DSCAM: variants seen among roughly 807,000 people sequenced by gnomAD.
DSCAM encodes DS cell adhesion molecule.
A neutral mutation model predicts 217.7 loss-of-function variants in DSCAM; 47 were observed. The ratio of observed to expected loss-of-function variants is 0.22; its 90% CI spans 0.17 to 0.28. DSCAM has a LOEUF of 0.28. Ranked by LOEUF, DSCAM falls within the 10% of genes least tolerant of loss-of-function variation. DSCAM has a pLI of 1.00. For synonymous variants in DSCAM, 1,056 were observed against 1,015.3 expected (o/e 1.04, Z -0.76); for missense variants, 2,080 against 2,618.3 (o/e 0.79, Z 4.49).
intron 19 of DSCAM, among the ~76,000 whole-genome samples, chr21:40,131,303 T>C (rs2090151967): frequency 6.6e-6 from 1 of 152,240 alleles, no homozygotes; most frequent in Non-Finnish European, 1.5e-5. Flanking sequence ...TATTAGGTAT[T>C]GAGTCTACAA....
chr21:40,209,192 C>T (rs1183673927), intron 11 of DSCAM, among the ~76,000 whole-genome samples: 2 of 152,094 alleles, frequency 1.3e-5, no homozygotes, highest in South Asian at 2.1e-4. Flanking sequence ...CACATGCTTC[C>T]GCCTTGATGA....
intron 1 of DSCAM, among the ~76,000 whole-genome samples, chr21:40,745,184 TA>T (rs2146549426): frequency 6.6e-6 from 1 of 152,210 alleles, no homozygotes; most frequent in South Asian, 2.1e-4. Flanking sequence ...AACTAACCTC[TA>T]TATAATAGTA....
At chr21:40,243,728 T>A (rs1318809458) in intron 11 of DSCAM, among the ~76,000 whole-genome samples, 1 of 152,098 alleles carries the variant, frequency 6.6e-6, no homozygotes, top group Admixed American at 6.5e-5. Context: ...AATGCCCAGG[T>A]GTGATTGCTG....
rs988041056 is a variant in DSCAM at position 40,011,946 on chromosome 21, T to C, written c.*1088A>G. On this transcript the variant is annotated 3_prime_UTR_variant, in exon 33 of 33. Transcript: ENST00000400454. Reference sequence around the variant, plus strand: ...CAAATGTTTCCTGTAATGGGCCAGGTAATAAATATTTTAGGCTTCATGGGC... The same window carrying C: ...CAAATGTTTCCTGTAATGGGCCAGGCAATAAATATTTTAGGCTTCATGGGC... The C allele has an allele frequency of 2.6e-5, 4 of 152,294 alleles. No homozygotes were observed. Among genetic ancestry groups the C allele is most frequent in the African/African-American group, 9.6e-5 (4 of 41,554 alleles). 9.4% of individuals were successfully genotyped at this position (152,294 alleles called of 1,614,324 possible).
intron 10 of DSCAM, among the ~76,000 whole-genome samples, chr21:40,283,718 T>G (rs541566447): frequency 6.6e-6 from 1 of 152,218 alleles, no homozygotes; most frequent in Non-Finnish European, 1.5e-5. Flanking sequence ...ATCCTTAATT[T>G]CATCATATAT....
At chr21:40,112,936 C>A (rs907532773) in intron 20 of DSCAM, among the ~76,000 whole-genome samples, 1 of 152,038 alleles carries the variant, frequency 6.6e-6, no homozygotes, top group African/African-American at 2.4e-5. Context: ...AGCTTACCAA[C>A]CAAAAAAAGT....
intron 20 of DSCAM, among the ~76,000 whole-genome samples, chr21:40,121,260 T>A (rs2090030079): frequency 6.6e-6 from 1 of 152,148 alleles, no homozygotes; most frequent in African/African-American, 2.4e-5. Context: ...AACACCCTCT[T>A]TCCTGTACTT....
chr21:40,527,917 G>A (rs567544005), intron 3 of DSCAM, among the ~76,000 whole-genome samples: 153 of 152,184 alleles, frequency 1.0e-3, no homozygotes, highest in African/African-American at 3.0e-3. Flanking sequence ...AAACAGGAGC[G>A]GATGCTCTAA....
chr21:40,439,708 A>G lies in DSCAM; in HGVS notation c.509-70463T>C, dbSNP rs140686203. Among the ~76,000 whole-genome samples the G allele has an allele frequency of 5.9e-5, 9 of 152,314 alleles. No homozygotes were observed. The East Asian group carries it at 1.5e-3, about 26-fold the overall frequency. ...TTCCACGTGGCTGGGGAGCCCTCAC[A>G]GTTATGATGGCAGGCAAGGAGGAGC... On this transcript the variant is annotated intron_variant, in intron 3 of 32. Transcript: ENST00000400454.
Position 40,062,904 on chromosome 21 carries a change from G to A in DSCAM, c.4889-5C>T. On this transcript the variant is annotated splice_polypyrimidine_tract_variant and splice_region_variant and intron_variant, in intron 27 of 32. Transcript: ENST00000400454. ...TTTCAGCTAAACTCTTTGCATCTGGGGAAAGAAAGTTAACATTAGTACATG... is the reference window on the plus strand; with the variant it reads ...TTTCAGCTAAACTCTTTGCATCTGGAGAAAGAAAGTTAACATTAGTACATG... 1 of 1,596,636 alleles carries A rather than the reference G, an allele frequency of 6.3e-7. No homozygotes were observed. Among genetic ancestry groups the A allele is most frequent in the Non-Finnish European group, 8.5e-7 (1 of 1,174,088 alleles).
At chr21:40,557,466 T>C (rs2091893) in intron 3 of DSCAM, among the ~76,000 whole-genome samples, 68,249 of 151,808 alleles carry the variant, frequency 0.45, 16,648 homozygotes, top group Admixed American at 0.55. Flanking sequence ...GCCATTCTCC[T>C]GCCTCAGCCT....
chr21:40,129,377 A>C (rs1013094272), intron 19 of DSCAM, among the ~76,000 whole-genome samples: 1 of 152,138 alleles, frequency 6.6e-6, no homozygotes, highest in African/African-American at 2.4e-5. Context: ...AAGAGTGTTC[A>C]TTCTTTAAAT....
rs1470326560 is a variant in DSCAM, at chr21:40,197,275, C to T, written c.2357-8037G>A. Among the ~76,000 whole-genome samples, 14 of 152,212 alleles carry T rather than the reference C, an allele frequency of 9.2e-5. No homozygotes were observed. In the East Asian group the frequency reaches 1.2e-3, roughly 13 times the overall value. On this transcript the variant is annotated intron_variant, in intron 11 of 32. Coordinates refer to ENST00000400454, the MANE Select transcript of DSCAM (RefSeq NM_001389.5). ...CTGGGACTACAGGCGCCCACAACCACGCCCAGCTAATTTTTTGTATTTTTA... is the reference window on the plus strand; with the variant it reads ...CTGGGACTACAGGCGCCCACAACCATGCCCAGCTAATTTTTTGTATTTTTA...
intron 3 of DSCAM, among the ~76,000 whole-genome samples, chr21:40,458,122 C>T (rs561723805): frequency 9.9e-4 from 151 of 152,080 alleles, no homozygotes; most frequent in African/African-American, 3.0e-3. Context: ...CAGTATACAA[C>T]GAAAGAAAAA....
At chr21:40,493,251 G>A (rs1049494207) in intron 3 of DSCAM, among the ~76,000 whole-genome samples, 2 of 152,066 alleles carry the variant, frequency 1.3e-5, no homozygotes, top group Admixed American at 6.6e-5. Context: ...GAGAAATAAA[G>A]GAAGAATAAA....
intron 3 of DSCAM, among the ~76,000 whole-genome samples, chr21:40,431,753 T>C (rs974629871): frequency 6.6e-6 from 1 of 152,080 alleles, no homozygotes; most frequent in Non-Finnish European, 1.5e-5. Flanking sequence ...TTTTGGGGAG[T>C]AAAATGTTAT....
chr21:40,467,947 A>AAC, intron 3 of DSCAM, among the ~76,000 whole-genome samples: 1 of 151,434 alleles, frequency 6.6e-6, no homozygotes, highest in African/African-American at 2.4e-5. Context: ...AAAAAAAAAA[A>AAC]AAAACTACAT....
chr21:40,309,051 C>T (rs1186355264), intron 9 of DSCAM, among the ~76,000 whole-genome samples: 1 of 152,128 alleles, frequency 6.6e-6, no homozygotes, highest in Admixed American at 6.6e-5. Context: ...TTCCTCTCTA[C>T]TGGCTTATTC....
intron 1 of DSCAM, among the ~76,000 whole-genome samples, chr21:40,818,265 G>T (rs918512745): frequency 2.6e-5 from 4 of 151,338 alleles, no homozygotes; most frequent in African/African-American, 9.7e-5. Flanking sequence ...AGACAAAGTC[G>T]GCCGGGTGCA....
Sources: allele counts gnomAD v4.1 joint callset (sites outside exome capture counted in the v4.1 genomes callset), GRCh38; gene constraint gnomAD v4.1.1; transcripts MANE v1.5; gene names NCBI Gene and HGNC (gene_info 2026-07-23, HGNC 2026-07-21).